DPYSL3: variants seen among roughly 807,000 people sequenced by gnomAD.
DPYSL3 encodes the protein dihydropyrimidinase like 3.
DPYSL3 carries 16 observed loss-of-function variants against 66.1 expected under a neutral mutation model. The ratio of observed to expected loss-of-function variants is 0.24; its 90% CI spans 0.16 to 0.37. The LOEUF (loss-of-function observed/expected upper bound fraction) is 0.37, where lower values mean the gene tolerates loss of function less well. Ranked by LOEUF, DPYSL3 falls within the 10% of genes least tolerant of loss-of-function variation. The pLI is 1.00. For synonymous variants in DPYSL3, 338 were observed against 345.1 expected (o/e 0.98, Z 0.23); for missense variants, 738 against 916.2 (o/e 0.81, Z 2.51).
intron 1 of DPYSL3, among the ~76,000 whole-genome samples, chr5:147,440,758 A>AT (rs1221405841): frequency 6.6e-6 from 1 of 152,152 alleles, no homozygotes; most frequent in Non-Finnish European, 1.5e-5. Flanking sequence ...TTTGGAGTAC[A>AT]TTTTTTTATT....
intron 1 of DPYSL3, among the ~76,000 whole-genome samples, chr5:147,430,588 A>G (rs1161177499): frequency 6.6e-6 from 1 of 151,816 alleles, no homozygotes; most frequent in Non-Finnish European, 1.5e-5. Flanking sequence ...AAGAGAGGAA[A>G]GGGCGGGGAG....
At position 147,392,056 on chromosome 5, in the gene DPYSL3, T is replaced by C. The variant is rs1757825772; in HGVS notation, c.*1979A>G. On this transcript the variant is annotated 3_prime_UTR_variant, in exon 14 of 14. Coordinates refer to ENST00000343218, the MANE Select transcript of DPYSL3 (RefSeq NM_001197294.2). Reference sequence around the variant, plus strand: ...TTTTCCTCTATCTGCTGGCTGTGGCTGGTACTGCAACCTATCCCAAAGTAA... The same window carrying C: ...TTTTCCTCTATCTGCTGGCTGTGGCCGGTACTGCAACCTATCCCAAAGTAA... 1 of 152,218 alleles carries C rather than the reference T, an allele frequency of 6.6e-6. No individual in the cohort carries two copies. The highest frequency in any genetic ancestry group is 2.4e-5 in the African/African-American group (1 of 41,442). The allele number at this position is 152,218 out of a possible 1,614,324, so 9.4% of individuals were successfully genotyped here. A position where few individuals can be genotyped will look rare whatever the true frequency, so the allele number is the denominator to read the frequency against.
intron 1 of DPYSL3, among the ~76,000 whole-genome samples, chr5:147,426,016 TCCA>T (rs1241950467): frequency 1.3e-5 from 2 of 151,286 alleles, no homozygotes. Context: ...CATCCATCCA[TCCA>T]TCCATCCATC....
chr5:147,480,180 GC>G (rs1332327085), intron 1 of DPYSL3, among the ~76,000 whole-genome samples: 1 of 152,142 alleles, frequency 6.6e-6, no homozygotes. Context: ...TTTCCCGTTT[GC>G]CTGTTCCTGC....
chr5:147,415,926 C>T (rs2152021737), intron 3 of DPYSL3, 53 bp from the exon 4 acceptor site: 2 of 1,588,032 alleles, frequency 1.3e-6, no homozygotes, highest in South Asian at 1.2e-5. Flanking sequence ...CTTTGCTCCC[C>T]TCTGCCCAGG....
At chr5:147,430,349 A>C (rs913006614) in intron 1 of DPYSL3, among the ~76,000 whole-genome samples, 6 of 151,894 alleles carry the variant, frequency 4.0e-5, no homozygotes, top group Non-Finnish European at 7.4e-5. Flanking sequence ...TACAAAAAGA[A>C]AAAGAAAAAA....
rs555552936 is a variant in DPYSL3, at chr5:147,461,823, T to C, written c.382-36860A>G. Reference sequence around the variant, plus strand: ...GTCATTTTCACAGACTACCATTTATTAATTGGAATAGACAAATATGGCAAT... The same window carrying C: ...GTCATTTTCACAGACTACCATTTATCAATTGGAATAGACAAATATGGCAAT... On this transcript the variant is annotated intron_variant, in intron 1 of 13. Coordinates refer to ENST00000343218, the MANE Select transcript of DPYSL3 (RefSeq NM_001197294.2). Among the ~76,000 whole-genome samples, 3 of 152,284 alleles carry C rather than the reference T, an allele frequency of 2.0e-5. No homozygotes were observed. In the South Asian group the frequency reaches 6.2e-4, roughly 32 times the overall value.
At chr5:147,477,411 A>C (rs1187798841) in intron 1 of DPYSL3, among the ~76,000 whole-genome samples, 1 of 152,194 alleles carries the variant, frequency 6.6e-6, no homozygotes, top group Non-Finnish European at 1.5e-5. Flanking sequence ...TAAAGTTAAG[A>C]GGAGCTCCAG....
chr5:147,409,611 G>A (rs1439781475), intron 6 of DPYSL3, among the ~76,000 whole-genome samples: 1 of 152,198 alleles, frequency 6.6e-6, no homozygotes, highest in Non-Finnish European at 1.5e-5. Context: ...CCTCTTTATG[G>A]AAGAAGCAGG....
chr5:147,497,371 G>A (rs1226510898), intron 1 of DPYSL3, among the ~76,000 whole-genome samples: 1 of 151,890 alleles, frequency 6.6e-6, no homozygotes. Context: ...TGCACGTCAT[G>A]CACACGTACC....
At chr5:147,395,493 T>C (rs1478440841) in intron 13 of DPYSL3, 66 bp downstream of exon 13, 1 of 1,535,046 alleles carries the variant, frequency 6.5e-7, no homozygotes, top group East Asian at 2.4e-5. Flanking sequence ...GAACACCCTG[T>C]GGCCTCAGAA....
In DPYSL3 at chr5:147,412,700, A is replaced by G. The variant is rs1751879985; in HGVS notation, c.883-12T>C. On this transcript the variant is annotated splice_polypyrimidine_tract_variant and intron_variant, in intron 5 of 13. Transcript: ENST00000343218. ...AAGATCTCATAGAGCTGAAATAGAA[A>G]TGAGTCTTTGTCACTCTTGCAAGCA... is the stretch of plus-strand genomic sequence containing the variant. 2 of 1,606,632 alleles carry G rather than the reference A, an allele frequency of 1.2e-6. No individual in the cohort carries two copies. Among genetic ancestry groups the G allele is most frequent in the Admixed American group, 3.4e-5 (2 of 59,480 alleles).
At chr5:147,419,150 C>A (rs1181931820) in intron 2 of DPYSL3, among the ~76,000 whole-genome samples, 1 of 152,098 alleles carries the variant, frequency 6.6e-6, no homozygotes, top group East Asian at 1.9e-4. Context: ...TATTTCCCAC[C>A]TAAGTCTTCA....
rs1235821795 is a variant in DPYSL3, at chr5:147,392,016, G to A, written c.*2019C>T. Reference sequence around the variant, plus strand: ...AGTGCAGAAGTGGACGCTCAGAAGCGAGTTTATGTGTGTCTTTTCCTCTAT... The same window carrying A: ...AGTGCAGAAGTGGACGCTCAGAAGCAAGTTTATGTGTGTCTTTTCCTCTAT... On this transcript the variant is annotated 3_prime_UTR_variant, in exon 14 of 14. Coordinates refer to ENST00000343218, the MANE Select transcript of DPYSL3 (RefSeq NM_001197294.2). 3.3e-5 allele frequency: 5 copies of A among 152,234 alleles called. No homozygotes were observed. The highest frequency in any genetic ancestry group is 2.1e-4 in the South Asian group (1 of 4,834). The allele number at this position is 152,234 out of a possible 1,614,324, so 9.4% of individuals were successfully genotyped here.
At chr5:147,450,668 A>C (rs1276921192) in intron 1 of DPYSL3, among the ~76,000 whole-genome samples, 1 of 152,190 alleles carries the variant, frequency 6.6e-6, no homozygotes, top group African/African-American at 2.4e-5. Context: ...GAATGCCTTA[A>C]TCTCAGGAGG....
chr5:147,497,504 G>A (rs1753537121), intron 1 of DPYSL3, among the ~76,000 whole-genome samples: 1 of 152,122 alleles, frequency 6.6e-6, no homozygotes, highest in Non-Finnish European at 1.5e-5. Flanking sequence ...ATTCAACCAT[G>A]TATACAGAAA....
intron 6 of DPYSL3, among the ~76,000 whole-genome samples, chr5:147,411,394 G>A (rs1751849848): frequency 6.6e-6 from 1 of 152,106 alleles, no homozygotes; most frequent in African/African-American, 2.4e-5. Context: ...CCTGCAGCTG[G>A]GCTTGGGAGG....
intron 12 of DPYSL3, 69 bp downstream of exon 12, chr5:147,397,597 G>T: frequency 1.3e-6 from 2 of 1,512,792 alleles, no homozygotes; most frequent in Non-Finnish European, 9.0e-7. Flanking sequence ...CTGTGTTCAT[G>T]GTTACTATCT....
intron 1 of DPYSL3, among the ~76,000 whole-genome samples, chr5:147,464,258 A>C (rs900950255): frequency 1.3e-5 from 2 of 152,190 alleles, no homozygotes; most frequent in Non-Finnish European, 2.9e-5. Flanking sequence ...AAAAGGAAGA[A>C]TACATGAATG....
Sources: allele counts gnomAD v4.1 joint callset (sites outside exome capture counted in the v4.1 genomes callset), GRCh38; gene constraint gnomAD v4.1.1; transcripts MANE v1.5; gene names NCBI Gene and HGNC (gene_info 2026-07-23, HGNC 2026-07-21).